The following APLF variants were observed in gnomAD, a reference collection of about 807,000 sequenced individuals.
APLF encodes the protein aprataxin and PNKP like factor.
Under a neutral mutation model 55.6 loss-of-function variants are expected in APLF, and 61 were observed. That is an observed-to-expected ratio of 1.10 (90% CI 0.89 to 1.36). APLF has a LOEUF of 1.36. Among genes scored for constraint, APLF ranks in the 40% most tolerant of loss-of-function variants. The pLI, the probability that APLF is intolerant of heterozygous loss-of-function variation, is 0.00. For missense variants in APLF, 611 were observed against 602.5 expected (o/e 1.01, Z -0.15); for synonymous variants, 207 against 214.8 (o/e 0.96, Z 0.32).
intron 9 of APLF, among the ~76,000 whole-genome samples, chr2:68,574,730 A>T (rs1015485830): frequency 3.9e-5 from 6 of 152,242 alleles, no homozygotes; most frequent in African/African-American, 7.2e-5. Context: ...TTACTGCCTC[A>T]ACAAATGAGG....
At chr2:68,498,784 A>G (rs1421863406) in intron 2 of APLF, among the ~76,000 whole-genome samples, 1 of 152,224 alleles carries the variant, frequency 6.6e-6, no homozygotes, top group Non-Finnish European at 1.5e-5. Flanking sequence ...TTTTAATAAA[A>G]TCTTACTCAC....
intron 3 of APLF, among the ~76,000 whole-genome samples, chr2:68,506,165 C>T (rs1676868380): frequency 6.6e-6 from 1 of 151,686 alleles, no homozygotes; most frequent in African/African-American, 2.4e-5. Flanking sequence ...TTAGCTAGGT[C>T]CTGTAGCTTC....
chr2:68,501,547 C>A (rs1343652042), intron 2 of APLF, among the ~76,000 whole-genome samples: 1 of 151,998 alleles, frequency 6.6e-6, no homozygotes, highest in African/African-American at 2.4e-5. Flanking sequence ...TGGAAAGAGC[C>A]AATTTTAGCT....
intron 1 of APLF, among the ~76,000 whole-genome samples, chr2:68,470,393 G>T (rs776710813): frequency 6.6e-6 from 1 of 152,172 alleles, no homozygotes. Context: ...AATGTGCTTT[G>T]TCTGGACTGT....
At chr2:68,508,732 T>C (rs1354116568) in intron 3 of APLF, among the ~76,000 whole-genome samples, 2 of 152,010 alleles carry the variant, frequency 1.3e-5, no homozygotes, top group Non-Finnish European at 2.9e-5. Context: ...TTAAAGTTCA[T>C]ATGGAAACAA....
At chr2:68,571,532 C>T (rs1472452935) in intron 9 of APLF, among the ~76,000 whole-genome samples, 1 of 152,132 alleles carries the variant, frequency 6.6e-6, no homozygotes, top group Non-Finnish European at 1.5e-5. Context: ...GTTTTCCCAG[C>T]ACCATTTATT....
At chr2:68,511,047 A>G (rs908777095) in intron 3 of APLF, among the ~76,000 whole-genome samples, 1 of 151,842 alleles carries the variant, frequency 6.6e-6, no homozygotes, top group Non-Finnish European at 1.5e-5. Context: ...GCTAATGCAT[A>G]TGGAATTTCT....
At chr2:68,497,639 G>T (rs1676592263) in intron 2 of APLF, among the ~76,000 whole-genome samples, 1 of 151,670 alleles carries the variant, frequency 6.6e-6, no homozygotes, top group Admixed American at 6.6e-5. Context: ...AATACAGTGT[G>T]GGAGGTGCCC....
Position 68,513,598 on chromosome 2 carries a change from C to T in APLF, c.540C>T (p.Ala180=). The T allele has an allele frequency of 2.5e-6, 4 of 1,611,360 alleles. No homozygotes were observed. The highest frequency in any genetic ancestry group is 1.1e-5 in the South Asian group (1 of 90,962). ...GCAATAAGCAGCAGCCAATCCTTGCCGAGAGGAAAAGAATCCTTCCAACTT... is the reference window on the plus strand; with the variant it reads ...GCAATAAGCAGCAGCCAATCCTTGCTGAGAGGAAAAGAATCCTTCCAACTT... ...RDCNKQQPIL[A]ERKRILPTWM... The change falls in exon 5 of 10, where the codon GCC becomes GCT. Residue 180 remains alanine (A), a synonymous_variant. Coordinates refer to ENST00000303795, the MANE Select transcript of APLF (RefSeq NM_173545.3).
intron 2 of APLF, among the ~76,000 whole-genome samples, chr2:68,494,619 C>T (rs1377113058): frequency 6.6e-6 from 1 of 152,102 alleles, no homozygotes; most frequent in African/African-American, 2.4e-5. Context: ...GCCCAGCATC[C>T]ATTAGCTATT....
chr2:68,571,103 A>G (rs1444484939), intron 9 of APLF, among the ~76,000 whole-genome samples: 7 of 151,786 alleles, frequency 4.6e-5, no homozygotes, highest in Non-Finnish European at 8.8e-5. Flanking sequence ...TCTTTTGAGA[A>G]GTGTCTGTTC....
chr2:68,540,589 A>G (rs1338876633), intron 7 of APLF, among the ~76,000 whole-genome samples: 3 of 152,142 alleles, frequency 2.0e-5, no homozygotes, highest in African/African-American at 4.8e-5. Context: ...TTGTCACGCT[A>G]TCTTCCACAA....
chr2:68,481,237 T>G (rs1217441382), intron 1 of APLF, among the ~76,000 whole-genome samples: 1 of 152,214 alleles, frequency 6.6e-6, no homozygotes, highest in South Asian at 2.1e-4. Flanking sequence ...TGAAGCCTTG[T>G]AGTAATTCCT....
intron 7 of APLF, among the ~76,000 whole-genome samples, chr2:68,540,796 GTA>G (rs1670526868): frequency 2.0e-5 from 3 of 146,940 alleles, no homozygotes; most frequent in Admixed American, 2.0e-4. Context: ...GTATGTGTGT[GTA>G]TGTGTGTAAG....
chr2:68,577,601 C>T (rs766987636), intron 9 of APLF, among the ~76,000 whole-genome samples: 15 of 152,148 alleles, frequency 9.9e-5, no homozygotes, highest in Non-Finnish European at 2.1e-4. Context: ...TATTATTAAT[C>T]TCATGGGTCA....
chr2:68,505,820 G>A (rs550221040), intron 3 of APLF, among the ~76,000 whole-genome samples: 1 of 152,050 alleles, frequency 6.6e-6, no homozygotes, highest in South Asian at 2.1e-4. Flanking sequence ...GGTTTTTATG[G>A]AGGCTTCATT....
chr2:68,480,527 C>T (rs559917450), intron 1 of APLF, among the ~76,000 whole-genome samples: 3 of 152,062 alleles, frequency 2.0e-5, no homozygotes, highest in Admixed American at 6.5e-5. Context: ...TGGTCTTGAA[C>T]TCCTGACCTT....
chr2:68,516,889 A>G (rs1259694348), intron 5 of APLF, among the ~76,000 whole-genome samples: 1 of 132,590 alleles, frequency 7.5e-6, no homozygotes, highest in East Asian at 2.0e-4. Flanking sequence ...GTTATATATA[A>G]TATAATAATA....
At chr2:68,562,315 T>C (rs1439285021) in intron 8 of APLF, among the ~76,000 whole-genome samples, 1 of 152,038 alleles carries the variant, frequency 6.6e-6, no homozygotes, top group African/African-American at 2.4e-5. Context: ...TAAAACATGT[T>C]TTTGAAGGAA....
Sources: allele counts gnomAD v4.1 joint callset (sites outside exome capture counted in the v4.1 genomes callset), GRCh38; gene constraint gnomAD v4.1.1; transcripts MANE v1.5; gene names NCBI Gene and HGNC (gene_info 2026-07-23, HGNC 2026-07-21).